ADGRB3: variants seen among roughly 807,000 people sequenced by gnomAD.
ADGRB3 encodes adhesion G protein-coupled receptor B3.
In ADGRB3, 37 loss-of-function variants were observed where a neutral mutation model predicts 193.4. The observed-to-expected ratio is 0.19, with a 90% CI of 0.15 to 0.25. The LOEUF is 0.25. ADGRB3 is among the 10% of genes least tolerant of loss of function. The pLI, the probability that ADGRB3 is intolerant of heterozygous loss-of-function variation, is 1.00. For synonymous variants in ADGRB3, 690 were observed against 644.2 expected (o/e 1.07, Z -1.08); for missense variants, 1,637 against 1,852.9 (o/e 0.88, Z 2.14).
In ADGRB3 at chr6:69,344,050, G is replaced by C. The variant is rs151264827; in HGVS notation, c.3459+4546G>C. Among the ~76,000 whole-genome samples the C allele has an allele frequency of 1.0e-3, 153 of 152,272 alleles. No homozygotes were observed. The Middle Eastern group carries it at 0.01, about 10-fold the overall frequency. On this transcript the variant is annotated intron_variant, in intron 26 of 31. Transcript: ENST00000370598. ...GCCTGCACATTCTTCTCATCTTTCT[G>C]TCTCTGGCTGTGCCTGGCTCTAAGA...
At chr6:68,667,517 C>T (rs909166424) in intron 3 of ADGRB3, among the ~76,000 whole-genome samples, 1 of 151,796 alleles carries the variant, frequency 6.6e-6, no homozygotes, top group South Asian at 2.1e-4. Flanking sequence ...GAAAGTCAAA[C>T]AATTTTTAGA....
At chr6:68,862,835 T>A (rs1765193751) in intron 3 of ADGRB3, among the ~76,000 whole-genome samples, 1 of 152,186 alleles carries the variant, frequency 6.6e-6, no homozygotes, top group African/African-American at 2.4e-5. Flanking sequence ...TCCTCTTGAT[T>A]ACCAGTTTTA....
In ADGRB3 at chr6:68,987,242, A is replaced by G. The variant is rs779226569; in HGVS notation, c.1735-6526A>G. Among the ~76,000 whole-genome samples the G allele has an allele frequency of 1.6e-3, 237 of 152,266 alleles. 1 individual carries two copies. Among genetic ancestry groups the G allele is most frequent in the Non-Finnish European group, 1.9e-3 (127 of 68,004 alleles). On this transcript the variant is annotated intron_variant, in intron 10 of 31. Transcript: ENST00000370598. ...ATGATTAAATTACAATAATCAAAAC[A>G]TGCTACCCAAAGGAAATGGAGTCCT...
Position 68,638,651 on chromosome 6 carries a change from A to G in ADGRB3, c.-15-10A>G, listed in dbSNP as rs770230477. On this transcript the variant is annotated splice_polypyrimidine_tract_variant and intron_variant, in intron 2 of 31. Transcript: ENST00000370598. ...CTACTTGCATTTTACTTTCATTGCC[A>G]TTTTTACAGGCCAAATGACATAGGA... is the stretch of plus-strand genomic sequence containing the variant. 7.0e-6 allele frequency: 11 copies of G among 1,573,360 alleles called. No individual in the cohort carries two copies. The South Asian group carries it at 1.2e-4, about 17-fold the overall frequency.
chr6:69,069,553 C>CAAAAAAA (rs57616226), intron 16 of ADGRB3, among the ~76,000 whole-genome samples: 484 of 31,786 alleles, frequency 0.015, 156 homozygotes, highest in East Asian at 0.026. Flanking sequence ...ACTAAAAATA[C>CAAAAAAA]AAAAAAAAAA....
Position 68,850,713 on chromosome 6 carries a change from CT to C in ADGRB3, c.758-79844del, listed in dbSNP as rs1260553331. Among the ~76,000 whole-genome samples, 4 of 152,024 alleles carry C rather than the reference CT, an allele frequency of 2.6e-5. No individual in the cohort carries two copies. The East Asian group carries it at 7.7e-4, about 29-fold the overall frequency. On this transcript the variant is annotated intron_variant, in intron 3 of 31. Transcript: ENST00000370598. ...TGTTATGCTGTATTACCTAGTCTCA[CT>C]TCCATATCTACTTGTTTTTCTTTAA...
chr6:68,775,524 G>C (rs147279023), intron 3 of ADGRB3, among the ~76,000 whole-genome samples: 2 of 152,132 alleles, frequency 1.3e-5, no homozygotes, highest in African/African-American at 4.8e-5. Context: ...CTTCCAAAGA[G>C]GGGCCCAAAT....
chr6:68,848,849 C>T (rs950815980), intron 3 of ADGRB3, among the ~76,000 whole-genome samples: 1 of 151,970 alleles, frequency 6.6e-6, no homozygotes, highest in Non-Finnish European at 1.5e-5. Flanking sequence ...TTTATACTGA[C>T]ATTAAAAATT....
At chr6:69,235,698 TAA>T (rs1766247280) in intron 19 of ADGRB3, among the ~76,000 whole-genome samples, 1 of 152,010 alleles carries the variant, frequency 6.6e-6, no homozygotes, top group Non-Finnish European at 1.5e-5. Context: ...AAAGAAGTCA[TAA>T]AAATACATAA....
At chr6:69,221,184 C>G (rs576494095) in intron 17 of ADGRB3, among the ~76,000 whole-genome samples, 48 of 152,172 alleles carry the variant, frequency 3.2e-4, no homozygotes, top group African/African-American at 1.2e-3. Context: ...TTATTTTAGG[C>G]TGTCTAAATC....
intron 10 of ADGRB3, among the ~76,000 whole-genome samples, chr6:68,984,860 G>T (rs536638150): frequency 6.6e-6 from 1 of 151,332 alleles, no homozygotes; most frequent in South Asian, 2.1e-4. Flanking sequence ...GAGCTTAGTG[G>T]GTTTTGTGTG....
intron 15 of ADGRB3, among the ~76,000 whole-genome samples, chr6:69,059,695 T>A (rs894125694): frequency 7.9e-5 from 12 of 152,164 alleles, no homozygotes; most frequent in African/African-American, 2.9e-4. Context: ...GCTATTCACT[T>A]GTGCAAATTA....
intron 3 of ADGRB3, among the ~76,000 whole-genome samples, chr6:68,772,843 A>ACCTATT (rs2127356821): frequency 7.2e-6 from 1 of 139,532 alleles, no homozygotes; most frequent in East Asian, 2.1e-4. Context: ...CATGGTGAAA[A>ACCTATT]CCTATTTCTA....
chr6:69,281,978 G>C (rs1250297568), intron 20 of ADGRB3, among the ~76,000 whole-genome samples: 1 of 152,026 alleles, frequency 6.6e-6, no homozygotes, highest in African/African-American at 2.4e-5. Context: ...CATCACTGGG[G>C]TATCTCTCAA....
intron 17 of ADGRB3, among the ~76,000 whole-genome samples, chr6:69,088,676 T>C (rs1431275490): frequency 6.6e-6 from 1 of 152,230 alleles, no homozygotes; most frequent in Non-Finnish European, 1.5e-5. Context: ...GCCCGGCCAA[T>C]CTTATGTGTT....
chr6:69,153,599 C>T (rs865776673), intron 17 of ADGRB3, among the ~76,000 whole-genome samples: 112 of 152,120 alleles, frequency 7.4e-4, no homozygotes, highest in African/African-American at 2.7e-3. Context: ...AATATTATGG[C>T]CATAAACAAA....
At chr6:69,228,200 T>C (rs1405504370) in intron 17 of ADGRB3, among the ~76,000 whole-genome samples, 1 of 152,156 alleles carries the variant, frequency 6.6e-6, no homozygotes, top group African/African-American at 2.4e-5. Context: ...GAGGTTGCAG[T>C]GAGTCGAGAT....
intron 17 of ADGRB3, among the ~76,000 whole-genome samples, chr6:69,091,872 T>C (rs1772720206): frequency 6.6e-6 from 1 of 152,200 alleles, no homozygotes. Context: ...ATGTTTGGAG[T>C]ATTTTTGACA....
chr6:68,849,349 TC>T (rs202004981), intron 3 of ADGRB3, among the ~76,000 whole-genome samples: 18 of 149,914 alleles, frequency 1.2e-4, no homozygotes, highest in South Asian at 8.4e-4. Context: ...AATTTACAAT[TC>T]AAAAAAAAAA....
Sources: allele counts gnomAD v4.1 joint callset (sites outside exome capture counted in the v4.1 genomes callset), GRCh38; gene constraint gnomAD v4.1.1; transcripts MANE v1.5; gene names NCBI Gene and HGNC (gene_info 2026-07-23, HGNC 2026-07-21).